MKLN1: variants seen among roughly 807,000 people sequenced by gnomAD.
MKLN1 encodes the protein muskelin.
MKLN1 carries 18 observed loss-of-function variants against 99.0 expected under a neutral mutation model. The ratio of observed to expected loss-of-function variants is 0.18; its 90% CI spans 0.13 to 0.27. The LOEUF is 0.27. Ranked by LOEUF, MKLN1 falls within the 10% of genes least tolerant of loss-of-function variation. The probability of loss-of-function intolerance (pLI) is 1.00; values close to 1 mark genes in which losing one functional copy is unlikely to be tolerated. For missense variants in MKLN1, 621 were observed against 875.9 expected (o/e 0.71, Z 3.67); for synonymous variants, 288 against 293.2 (o/e 0.98, Z 0.18).
chr7:131,175,089 GAGAT>G (rs1796275931), intron 2 of MKLN1, among the ~76,000 whole-genome samples: 1 of 151,576 alleles, frequency 6.6e-6, no homozygotes, highest in South Asian at 2.1e-4. Flanking sequence ...GGGAGACAGA[GAGAT>G]AGGGTGGGTG....
chr7:131,292,331 CTG>C (rs964178110), intron 3 of MKLN1, among the ~76,000 whole-genome samples: 25 of 152,272 alleles, frequency 1.6e-4, no homozygotes, highest in Non-Finnish European at 2.8e-4. Flanking sequence ...AAGAAAAACA[CTG>C]TTGTGCAATC....
At chr7:131,189,287 A>AT (rs561646149) in intron 2 of MKLN1, among the ~76,000 whole-genome samples, 12 of 152,172 alleles carry the variant, frequency 7.9e-5, no homozygotes, top group East Asian at 3.9e-4. Context: ...ACAGGGGAGA[A>AT]TTTTTTTTAA....
At chr7:131,161,084 G>C (rs78994164) in intron 2 of MKLN1, among the ~76,000 whole-genome samples, 8,083 of 152,154 alleles carry the variant, frequency 0.053, 376 homozygotes, top group African/African-American at 0.13. Context: ...ACAATAGATG[G>C]GGAGTGACCA....
chr7:131,313,230 G>A (rs560164583), intron 3 of MKLN1, among the ~76,000 whole-genome samples: 47 of 152,178 alleles, frequency 3.1e-4, no homozygotes, highest in Non-Finnish European at 5.7e-4. Flanking sequence ...AAAGCATTTG[G>A]GTTGGTTATA....
intron 1 of MKLN1, among the ~76,000 whole-genome samples, chr7:131,332,883 T>C (rs1342112075): frequency 6.6e-6 from 1 of 151,806 alleles, no homozygotes; most frequent in Non-Finnish European, 1.5e-5. Context: ...CCAGCCCCAG[T>C]TTCTCAAGTA....
At chr7:131,189,263 G>A (rs1457302348) in intron 2 of MKLN1, among the ~76,000 whole-genome samples, 1 of 152,176 alleles carries the variant, frequency 6.6e-6, no homozygotes. Flanking sequence ...ATATGGATGT[G>A]ATTGAAATGA....
chr7:131,477,599 TC>T (rs1327826040), intron 16 of MKLN1, among the ~76,000 whole-genome samples: 2 of 152,178 alleles, frequency 1.3e-5, no homozygotes, highest in Non-Finnish European at 2.9e-5. Flanking sequence ...ATAAAGAACT[TC>T]TATACATTTT....
chr7:131,124,647 G>A (rs754379801), intron 1 of MKLN1, among the ~76,000 whole-genome samples: 2 of 152,054 alleles, frequency 1.3e-5, no homozygotes, highest in Non-Finnish European at 2.9e-5. Context: ...TGCCCAATAT[G>A]GGTTTCCACC....
At chr7:131,374,339 A>G (rs1793569181) in intron 1 of MKLN1, among the ~76,000 whole-genome samples, 1 of 152,032 alleles carries the variant, frequency 6.6e-6, no homozygotes, top group Non-Finnish European at 1.5e-5. Flanking sequence ...AGTCCCCCTC[A>G]GTGGACAGAA....
At chr7:131,472,947 CAAA>C (rs34420594) in intron 16 of MKLN1, among the ~76,000 whole-genome samples, 6 of 81,140 alleles carry the variant, frequency 7.4e-5, no homozygotes, top group Non-Finnish European at 1.0e-4. Context: ...GATTCCATCT[CAAA>C]AAAAAAAAAA....
intron 3 of MKLN1, among the ~76,000 whole-genome samples, chr7:131,248,798 A>G (rs1018779812): frequency 6.6e-6 from 1 of 152,062 alleles, no homozygotes; most frequent in Non-Finnish European, 1.5e-5. Context: ...ATACCACACT[A>G]TGTACCCACA....
At chr7:131,401,792 T>G (rs1254047253) in intron 6 of MKLN1, among the ~76,000 whole-genome samples, 1 of 152,208 alleles carries the variant, frequency 6.6e-6, no homozygotes, top group Non-Finnish European at 1.5e-5. Flanking sequence ...TGTAGCCTCT[T>G]AAGGTACAGT....
chr7:131,345,699 A>T (rs1370310616), intron 1 of MKLN1, among the ~76,000 whole-genome samples: 1 of 152,044 alleles, frequency 6.6e-6, no homozygotes, highest in Non-Finnish European at 1.5e-5. Context: ...GGGCAATGGA[A>T]CGAGACTGTG....
chr7:131,231,878 C>A (rs1019158111), intron 3 of MKLN1, among the ~76,000 whole-genome samples: 3 of 152,172 alleles, frequency 2.0e-5, no homozygotes, highest in African/African-American at 7.2e-5. Context: ...TGCTGAAGAA[C>A]CACAAATGTC....
At chr7:131,478,511 C>T (rs895638397) in intron 16 of MKLN1, 112 bp from the exon 17 acceptor site, 70 of 1,075,850 alleles carry the variant, frequency 6.5e-5, no homozygotes, top group East Asian at 8.5e-5. Flanking sequence ...CACACATATG[C>T]AGAAATACGT....
chr7:131,436,516 A>C (rs1795679619), intron 9 of MKLN1, among the ~76,000 whole-genome samples: 1 of 152,198 alleles, frequency 6.6e-6, no homozygotes, highest in Non-Finnish European at 1.5e-5. Flanking sequence ...GAAAGAGCCC[A>C]GTTTTTGGCT....
chr7:131,253,194 A>G (rs1008954019), intron 3 of MKLN1, among the ~76,000 whole-genome samples: 7 of 152,218 alleles, frequency 4.6e-5, no homozygotes, highest in African/African-American at 1.4e-4. Context: ...TTGGGAGTCC[A>G]TGGCATCTGA....
At position 131,206,170 on chromosome 7, in the gene MKLN1, G is replaced by A. The variant is rs143133881; in HGVS notation, c.-179+3196G>A. On this transcript the variant is annotated intron_variant, in intron 3 of 7. Transcript: ENST00000416992. Reference sequence around the variant, plus strand: ...AGCCTCCCAAAGTGCTGGGATTACAGGCCTGAGCCACCACTCAAAAAACTA... The same window carrying A: ...AGCCTCCCAAAGTGCTGGGATTACAAGCCTGAGCCACCACTCAAAAAACTA... 8.1e-3 allele frequency among the ~76,000 whole-genome samples: 1,236 copies of A among 152,284 alleles called. 80 individuals are homozygous for A. In the East Asian group the frequency reaches 0.16, roughly 19 times the overall value.
chr7:131,361,395 A>G (rs368477828), intron 1 of MKLN1, among the ~76,000 whole-genome samples: 1 of 151,652 alleles, frequency 6.6e-6, no homozygotes, highest in Non-Finnish European at 1.5e-5. Flanking sequence ...TTTCCATGGT[A>G]CATTACCCAT....
Sources: allele counts gnomAD v4.1 joint callset (sites outside exome capture counted in the v4.1 genomes callset), GRCh38; gene constraint gnomAD v4.1.1; transcripts MANE v1.5; gene names NCBI Gene and HGNC (gene_info 2026-07-23, HGNC 2026-07-21).